USP53: variants seen among roughly 807,000 people sequenced by gnomAD.
USP53 encodes the protein ubiquitin specific peptidase 53.
In USP53, 71 loss-of-function variants were observed where a neutral mutation model predicts 94.9. That is an observed-to-expected ratio of 0.75 (90% CI 0.62 to 0.91). The LOEUF (loss-of-function observed/expected upper bound fraction) is 0.91, where lower values mean the gene tolerates loss of function less well. USP53 is among the 40% of genes least tolerant of loss of function. The pLI is 0.00. For missense variants in USP53, 1,173 were observed against 1,281.0 expected (o/e 0.92, Z 1.29); for synonymous variants, 375 against 422.7 (o/e 0.89, Z 1.39).
At chr4:119,286,114 C>T (rs74950683) in intron 17 of USP53, among the ~76,000 whole-genome samples, 13,993 of 151,484 alleles carry the variant, frequency 0.092, 827 homozygotes, top group Non-Finnish European at 0.13. Flanking sequence ...AAATATTTAT[C>T]TAGTTAAAGT....
chr4:119,258,210 A>G (rs927914410), intron 9 of USP53, among the ~76,000 whole-genome samples: 2 of 152,192 alleles, frequency 1.3e-5, no homozygotes, highest in Admixed American at 6.5e-5. Context: ...TCTGACTTCA[A>G]AATTTTTCTG....
At chr4:119,282,410 T>C (rs113451642) in intron 17 of USP53, among the ~76,000 whole-genome samples, 2 of 152,220 alleles carry the variant, frequency 1.3e-5, no homozygotes, top group African/African-American at 4.8e-5. Flanking sequence ...TTACAGCAGC[T>C]GCACCATTTT....
intron 5 of USP53, among the ~76,000 whole-genome samples, chr4:119,244,814 G>A (rs989534865): frequency 6.6e-6 from 1 of 152,108 alleles, no homozygotes; most frequent in Admixed American, 6.5e-5. Flanking sequence ...TTACTATGCT[G>A]TACCCCCATT....
At chr4:119,259,733 A>G in intron 9 of USP53, 87 bp from the exon 10 acceptor site, 1 of 867,634 alleles carries the variant, frequency 1.2e-6, no homozygotes, top group Non-Finnish European at 1.7e-6. Context: ...AAAGTGATGC[A>G]CATCTAAACT....
chr4:119,292,257 T>C, intron 18 of USP53, 81 bp from the exon 19 acceptor site: 1 of 1,398,108 alleles, frequency 7.2e-7, no homozygotes, highest in Non-Finnish European at 9.5e-7. Context: ...AAAATCAAAC[T>C]ACAAAACAAA....
intron 3 of USP53, among the ~76,000 whole-genome samples, chr4:119,227,865 GATAAGCAAAAGAAT>G (rs1745537216): frequency 2.0e-5 from 3 of 152,166 alleles, no homozygotes; most frequent in Admixed American, 2.0e-4. Context: ...GTAGTAAAGA[GATAAGCAAAAGAAT>G]ATTACTCAGT....
intron 9 of USP53, among the ~76,000 whole-genome samples, chr4:119,258,786 G>A (rs1268794622): frequency 6.6e-6 from 1 of 152,162 alleles, no homozygotes; most frequent in Admixed American, 6.5e-5. Flanking sequence ...TGATTCAGTT[G>A]TCTCCAGCTG....
chr4:119,285,948 T>A (rs556060205), intron 17 of USP53, among the ~76,000 whole-genome samples: 1 of 152,034 alleles, frequency 6.6e-6, no homozygotes, highest in South Asian at 2.1e-4. Flanking sequence ...CAATATTTGC[T>A]TTTCCTTTAA....
intron 17 of USP53, among the ~76,000 whole-genome samples, chr4:119,279,714 G>T (rs1753231741): frequency 1.3e-5 from 2 of 152,184 alleles, no homozygotes; most frequent in Admixed American, 1.3e-4. Flanking sequence ...CTGTCGCCTT[G>T]CAGTTTGATC....
intron 7 of USP53, among the ~76,000 whole-genome samples, chr4:119,254,991 G>T (rs1320921693): frequency 1.3e-5 from 2 of 152,200 alleles, no homozygotes; most frequent in African/African-American, 4.8e-5. Context: ...CTCAGCTGCA[G>T]GTCTGTTGGG....
rs112315516 is a variant in USP53, at chr4:119,293,030, T to C, written c.3041T>C (p.Ile1014Thr). 2.0e-4 allele frequency: 320 copies of C among 1,614,122 alleles called. No individual in the cohort carries two copies. The African/African-American group carries it at 3.5e-3, about 18-fold the overall frequency. Residue 1014 changes from isoleucine (I) to threonine (T), a missense_variant, in exon 19 of 19, where the codon ATT becomes ACT. Coordinates refer to ENST00000692078, the MANE Select transcript of USP53 (RefSeq NM_001371395.1). Reference protein sequence around the residue: ...TNDFQANSGAIDAFCQPELDS... With the variant: ...TNDFQANSGATDAFCQPELDS... ...GATTTTCAGGCAAACTCAGGTGCCA[T>C]TGATGCATTTTGCCAACCAGAACTA...
At chr4:119,213,660 A>ATATATATATGTGTGTGTG in intron 1 of USP53, among the ~76,000 whole-genome samples, 8 of 117,776 alleles carry the variant, frequency 6.8e-5, no homozygotes, top group Non-Finnish European at 6.8e-5. Flanking sequence ...ATATATATAT[A>ATATATATATGTGTGTGTG]TGTGTGTGTG....
chr4:119,227,048 T>C (rs1003395722), intron 3 of USP53, among the ~76,000 whole-genome samples: 1 of 151,702 alleles, frequency 6.6e-6, no homozygotes, highest in Non-Finnish European at 1.5e-5. Flanking sequence ...CCCAAGGTGC[T>C]CTCAAACTCC....
Position 119,256,430 on chromosome 4 carries a change from T to A in USP53, c.487-11T>A, listed in dbSNP as rs1322873924. 2 of 1,613,824 alleles carry A rather than the reference T, an allele frequency of 1.2e-6. No individual in the cohort carries two copies. The highest frequency in any genetic ancestry group is 1.7e-6 in the Non-Finnish European group (2 of 1,179,848). ...GATTGATAGATTAAACATATGTTTT[T>A]ACCTATATAGTGTGTGTGTCGTAGC... On this transcript the variant is annotated splice_polypyrimidine_tract_variant and intron_variant, in intron 8 of 18. Transcript: ENST00000692078.
intron 17 of USP53, among the ~76,000 whole-genome samples, chr4:119,277,910 C>T: frequency 7.7e-6 from 1 of 129,468 alleles, no homozygotes; most frequent in Admixed American, 8.0e-5. Flanking sequence ...TTATCAGAGA[C>T]TAGGATTGCA....
At chr4:119,238,134 C>A (rs1308529303) in intron 4 of USP53, among the ~76,000 whole-genome samples, 1 of 152,214 alleles carries the variant, frequency 6.6e-6, no homozygotes, top group African/African-American at 2.4e-5. Flanking sequence ...AGAGCTTTCC[C>A]TTTGCATTCA....
chr4:119,235,961 T>A (rs1001187995), intron 4 of USP53, among the ~76,000 whole-genome samples: 1 of 152,244 alleles, frequency 6.6e-6, no homozygotes, highest in Non-Finnish European at 1.5e-5. Flanking sequence ...TACAATTTAT[T>A]ATTCCTTAAG....
chr4:119,269,223 A>ATG (rs758470045), intron 14 of USP53, among the ~76,000 whole-genome samples: 8 of 152,206 alleles, frequency 5.3e-5, no homozygotes, highest in Non-Finnish European at 1.2e-4. Flanking sequence ...AATAGTATAT[A>ATG]TGTGTGTAAG....
chr4:119,276,533 T>G (rs1752668503), intron 17 of USP53, among the ~76,000 whole-genome samples: 2 of 151,368 alleles, frequency 1.3e-5, no homozygotes, highest in African/African-American at 4.9e-5. Flanking sequence ...GCATCAATGT[T>G]CATCAAGGAT....
Sources: allele counts gnomAD v4.1 joint callset (sites outside exome capture counted in the v4.1 genomes callset), GRCh38; gene constraint gnomAD v4.1.1; transcripts MANE v1.5; gene names NCBI Gene and HGNC (gene_info 2026-07-23, HGNC 2026-07-21).